LRMDA: variants seen among roughly 807,000 people sequenced by gnomAD.
LRMDA encodes the protein leucine rich melanocyte differentiation associated.
In LRMDA, 18 loss-of-function variants were observed where a neutral mutation model predicts 29.8. The ratio of observed to expected loss-of-function variants is 0.60; its 90% CI spans 0.42 to 0.90. LRMDA has a LOEUF of 0.90. Among genes scored for constraint, LRMDA ranks in the 40% least tolerant of loss-of-function variants. LRMDA has a pLI of 0.00. For missense variants in LRMDA, 273 were observed against 273.9 expected, an observed-to-expected ratio of 1.00 and a Z score of 0.02; for synonymous variants, 125 against 109.4, an observed-to-expected ratio of 1.14 and a Z score of -0.89.
intron 5 of LRMDA, among the ~76,000 whole-genome samples, chr10:76,203,402 G>A (rs753102929): frequency 7.2e-5 from 11 of 152,274 alleles, no homozygotes; most frequent in East Asian, 3.9e-4. Context: ...TTGGTCTCCC[G>A]AAGTGCTAGG....
intron 2 of LRMDA, among the ~76,000 whole-genome samples, chr10:75,547,442 C>T (rs1414561243): frequency 2.6e-5 from 4 of 152,200 alleles, no homozygotes; most frequent in Non-Finnish European, 4.4e-5. Context: ...GAGTATCTTT[C>T]CTTCGTCTGC....
intron 2 of LRMDA, among the ~76,000 whole-genome samples, chr10:76,033,071 A>AT (rs1848177871): frequency 6.6e-6 from 1 of 152,158 alleles, no homozygotes; most frequent in Non-Finnish European, 1.5e-5. Context: ...CAGTAAAAAA[A>AT]AAATAAATAA....
chr10:75,917,590 A>C (rs1240596399), intron 2 of LRMDA, among the ~76,000 whole-genome samples: 1 of 152,184 alleles, frequency 6.6e-6, no homozygotes, highest in Non-Finnish European at 1.5e-5. Flanking sequence ...AATATCAACG[A>C]ATGGATTATT....
intron 2 of LRMDA, among the ~76,000 whole-genome samples, chr10:75,643,936 G>C (rs4746316): frequency 0.66 from 100,495 of 151,938 alleles, 34,106 homozygotes; most frequent in Admixed American, 0.75. Flanking sequence ...ATGTTGATTT[G>C]TTTTTAGTGC....
At chr10:76,212,018 A>G (rs1046446661) in intron 5 of LRMDA, among the ~76,000 whole-genome samples, 4 of 152,190 alleles carry the variant, frequency 2.6e-5, no homozygotes, top group African/African-American at 4.8e-5. Context: ...GCAAAGGTTC[A>G]AAAAGGAACC....
chr10:75,509,112 G>T (rs1160454417), intron 2 of LRMDA, among the ~76,000 whole-genome samples: 1 of 151,890 alleles, frequency 6.6e-6, no homozygotes, highest in Admixed American at 6.6e-5. Context: ...AATCAGACTC[G>T]ACCAGGTGTT....
At chr10:75,987,653 C>T (rs772381121) in intron 2 of LRMDA, among the ~76,000 whole-genome samples, 3 of 152,148 alleles carry the variant, frequency 2.0e-5, no homozygotes, top group Admixed American at 6.5e-5. Context: ...CTCTCCACTT[C>T]GAAGTCTTTC....
intron 6 of LRMDA, among the ~76,000 whole-genome samples, chr10:76,327,515 G>C (rs1840851064): frequency 6.6e-6 from 1 of 152,242 alleles, no homozygotes; most frequent in South Asian, 2.1e-4. Flanking sequence ...TCCCTGTTCA[G>C]GGATTATCTT....
intron 5 of LRMDA, among the ~76,000 whole-genome samples, chr10:76,306,800 G>T (rs984052414): frequency 6.6e-6 from 1 of 152,144 alleles, no homozygotes. Flanking sequence ...TTTTGTACTG[G>T]TCACATATTC....
chr10:76,401,645 G>C (rs1274480433), intron 6 of LRMDA, among the ~76,000 whole-genome samples: 6 of 152,134 alleles, frequency 3.9e-5, no homozygotes, highest in Admixed American at 6.5e-5. Flanking sequence ...TTGGGGTTGG[G>C]TACACATGCC....
intron 2 of LRMDA, among the ~76,000 whole-genome samples, chr10:75,759,881 G>C (rs1843074496): frequency 6.6e-6 from 1 of 152,166 alleles, no homozygotes. Context: ...AGCCTTCAGA[G>C]CTAGAGTTGT....
At chr10:75,892,369 C>T (rs1470807887) in intron 2 of LRMDA, among the ~76,000 whole-genome samples, 3 of 152,154 alleles carry the variant, frequency 2.0e-5, no homozygotes, top group Non-Finnish European at 4.4e-5. Flanking sequence ...CTCTGGGTGG[C>T]AGGGCCCTGA....
chr10:75,824,903 G>A (rs1314411052), intron 2 of LRMDA, among the ~76,000 whole-genome samples: 1 of 152,206 alleles, frequency 6.6e-6, no homozygotes, highest in Non-Finnish European at 1.5e-5. Context: ...ACTGACTTAA[G>A]AGGTCCAGTG....
rs1465359951 is a variant in LRMDA, at chr10:76,450,237, T to C, written c.602-106972T>C. On this transcript the variant is annotated intron_variant, in intron 6 of 6. Transcript: ENST00000611255. The stretch of plus-strand genomic sequence containing the variant: ...AAACCTCTTAAGTTATAGACTTTTC[T>C]AGTCATTGCTCTGGACAAATCGTTT... Among the ~76,000 whole-genome samples the C allele has an allele frequency of 3.3e-5, 5 of 152,254 alleles. No individual in the cohort carries two copies. In the South Asian group the frequency reaches 1.0e-3, roughly 32 times the overall value.
chr10:75,641,961 G>A (rs960405650), intron 2 of LRMDA, among the ~76,000 whole-genome samples: 2 of 152,172 alleles, frequency 1.3e-5, no homozygotes, highest in Non-Finnish European at 2.9e-5. Context: ...TATGATAAAT[G>A]TGCAGAGAAA....
chr10:76,259,650 T>C (rs1402430927), intron 5 of LRMDA, among the ~76,000 whole-genome samples: 1 of 152,120 alleles, frequency 6.6e-6, no homozygotes, highest in Non-Finnish European at 1.5e-5. Context: ...TGTCCAATGC[T>C]GAGAGTAAGG....
At chr10:75,852,170 C>T (rs1844742852) in intron 2 of LRMDA, among the ~76,000 whole-genome samples, 1 of 152,208 alleles carries the variant, frequency 6.6e-6, no homozygotes, top group Admixed American at 6.5e-5. Context: ...CATCTTGTCT[C>T]AACTTAACTT....
intron 2 of LRMDA, among the ~76,000 whole-genome samples, chr10:75,468,700 G>C (rs1021591777): frequency 6.6e-6 from 1 of 152,118 alleles, no homozygotes; most frequent in Admixed American, 6.5e-5. Context: ...GTCGGGCACA[G>C]GATTTGGGAA....
intron 2 of LRMDA, among the ~76,000 whole-genome samples, chr10:75,546,987 T>C (rs946448929): frequency 9.2e-5 from 14 of 152,284 alleles, no homozygotes; most frequent in Admixed American, 2.6e-4. Flanking sequence ...TAGGATTGGC[T>C]CCAAAGTTCA....
Sources: allele counts gnomAD v4.1 joint callset (sites outside exome capture counted in the v4.1 genomes callset), GRCh38; gene constraint gnomAD v4.1.1; transcripts MANE v1.5; gene names NCBI Gene and HGNC (gene_info 2026-07-23, HGNC 2026-07-21).